ECEL1: variants seen among roughly 807,000 people sequenced by gnomAD.
The protein encoded by ECEL1 is endothelin-converting enzyme-like 1.
In ECEL1, 87 loss-of-function variants were observed where a neutral mutation model predicts 101.8. The ratio of observed to expected loss-of-function variants is 0.85; its 90% CI spans 0.72 to 1.02. The LOEUF (loss-of-function observed/expected upper bound fraction) is 1.02. Among genes scored for constraint, ECEL1 ranks in the 50% least tolerant of loss-of-function variants. The probability of loss-of-function intolerance (pLI) is 0.00; values close to 1 mark genes in which losing one functional copy is unlikely to be tolerated. For missense variants in ECEL1, 1,032 were observed against 1,079.2 expected (o/e 0.96, Z 0.61); for synonymous variants, 487 against 468.7 (o/e 1.04, Z -0.50).
chr2:232,486,746 G>A lies in ECEL1; in HGVS notation c.-93C>T. 1.6e-6 allele frequency: 2 copies of A among 1,287,014 alleles called. No homozygotes were observed. The allele number at this position is 1,287,014 out of a possible 1,614,324, so 79.7% of individuals were successfully genotyped here. A position where few individuals can be genotyped will look rare whatever the true frequency, so the allele number is the denominator to read the frequency against. On this transcript the variant is annotated 5_prime_UTR_variant, in exon 2 of 18. Transcript: ENST00000304546. ...CCTCGTGGGCCTCCGCATGGCCCTG[G>A]GGCCGCAGCTGCGGGAAGGGCGGAA...
Position 232,485,272 on chromosome 2 carries a change from G to T in ECEL1, c.787-5C>A, listed in dbSNP as rs1316361570. ...GGTGAGCCCATCCTGGTCAATCTGGGGAGGGAGACAGGGGCCACAGGTCAG... is the reference window on the plus strand; with the variant it reads ...GGTGAGCCCATCCTGGTCAATCTGGTGAGGGAGACAGGGGCCACAGGTCAG... On this transcript the variant is annotated splice_region_variant and splice_polypyrimidine_tract_variant and intron_variant, in intron 2 of 17. Transcript: ENST00000304546. 6.2e-7 allele frequency: 1 copy of T among 1,613,106 alleles called. No individual in the cohort carries two copies. Among genetic ancestry groups the T allele is most frequent in the African/African-American group, 1.3e-5 (1 of 75,022 alleles).
rs997316542 is a variant in ECEL1 at position 232,480,731 on chromosome 2, A to C, written c.2138T>G (p.Ile713Ser). ...LKYTHDQLFF[I>S]AFAQNWCIKR... ...CACCCAGCCCACCTGGGCAAAGGCA[A>C]TGAAGAAGAGCTGGTCATGTGTGTA... is the stretch of plus-strand genomic sequence containing the variant. Residue 713 changes from isoleucine (I) to serine (S), a missense_variant, in exon 16 of 18, where the codon ATT (isoleucine) becomes AGT (serine). Coordinates refer to ENST00000304546, the MANE Select transcript of ECEL1 (RefSeq NM_004826.4). The C allele has an allele frequency of 6.2e-7, 1 of 1,614,086 alleles. No individual in the cohort carries two copies. Among genetic ancestry groups the C allele is most frequent in the East Asian group, 2.2e-5 (1 of 44,876 alleles).
chr2:232,480,240 A>G lies in ECEL1; in HGVS notation c.2241T>C (p.Ser747=), dbSNP rs201486617. 17 of 1,613,992 alleles carry G rather than the reference A, an allele frequency of 1.1e-5. No individual in the cohort carries two copies. In the African/African-American group the frequency reaches 1.9e-4, roughly 18 times the overall value. ...HAPEHYRVLG[S]VSQFEEFGRA... ...GGCCAAACTCCTCAAACTGGGACAC[A>G]CTGCCCAGCACCCTGGGGTGGGGAG... Residue 747 remains serine (S), a synonymous_variant, in exon 18 of 18, where the codon AGT becomes AGC. Coordinates refer to ENST00000304546, the MANE Select transcript of ECEL1 (RefSeq NM_004826.4).
At position 232,485,957 on chromosome 2, in the gene ECEL1, A is replaced by G. The variant is rs1393591059; in HGVS notation, c.697T>C (p.Tyr233His). 2 of 1,593,182 alleles carry G rather than the reference A, an allele frequency of 1.3e-6. No individual in the cohort carries two copies. Among genetic ancestry groups the G allele is most frequent in the South Asian group, 1.1e-5 (1 of 88,406 alleles). Residue 233 changes from tyrosine to histidine, a missense_variant, in exon 2 of 18, where the codon TAC (tyrosine) becomes CAC (histidine). Physicochemically the swap from Tyr to His is moderately conservative, Grantham distance 83. Coordinates refer to ENST00000304546, the MANE Select transcript of ECEL1 (RefSeq NM_004826.4). ...GCGCTGTACACGCCCTGCGCCTTGTACAGCAGCCGGTTGAGGTCCCATCGC... is the reference window on the plus strand; with the variant it reads ...GCGCTGTACACGCCCTGCGCCTTGTGCAGCAGCCGGTTGAGGTCCCATCGC... ...AARWDLNRLL[Y>H]KAQGVYSAAA...
intron 9 of ECEL1, 50 bp downstream of exon 9, chr2:232,483,055 C>G: frequency 6.2e-7 from 1 of 1,612,194 alleles, no homozygotes; most frequent in Non-Finnish European, 8.5e-7. Flanking sequence ...TCCTGAGTGC[C>G]GTTAGTAGAG....
Position 232,480,055 on chromosome 2 carries a change from C to T in ECEL1, c.*98G>A. ...TGGAGGGGCTGGAAGGCAGGTGGTGCCCAGAGCGGGGCTGGCACCGGGTGC... is the reference window on the plus strand; with the variant it reads ...TGGAGGGGCTGGAAGGCAGGTGGTGTCCAGAGCGGGGCTGGCACCGGGTGC... On this transcript the variant is annotated 3_prime_UTR_variant, in exon 18 of 18. Transcript: ENST00000304546. 2 of 1,226,716 alleles carry T rather than the reference C, an allele frequency of 1.6e-6. No homozygotes were observed. Among genetic ancestry groups the T allele is most frequent in the Non-Finnish European group, 2.3e-6 (2 of 857,626 alleles). 76.0% of individuals were successfully genotyped at this position (1,226,716 alleles called of 1,614,324 possible).
chr2:232,479,936 G>T lies in ECEL1; in HGVS notation c.*217C>A, dbSNP rs1690531908. ...TGGCCCCCTTAGAGCAGAATCTGGG[G>T]ACCCCAGTATATTTCCCTCACAGCC... On this transcript the variant is annotated 3_prime_UTR_variant, in exon 18 of 18. Transcript: ENST00000304546. 1 of 589,586 alleles carries T rather than the reference G, an allele frequency of 1.7e-6. No individual in the cohort carries two copies. Among genetic ancestry groups the T allele is most frequent in the Non-Finnish European group, 3.0e-6 (1 of 330,400 alleles). The allele number at this position is 589,586 out of a possible 1,614,324, so 36.5% of individuals were successfully genotyped here.
At chr2:232,481,438 T>C (rs1201514881) in intron 14 of ECEL1, 68 bp downstream of exon 14, 25 of 1,549,268 alleles carry the variant, frequency 1.6e-5, no homozygotes, top group Non-Finnish European at 2.2e-5. Flanking sequence ...TGCGCAAGGG[T>C]GTGCGTGATG....
chr2:232,485,163 A>T, intron 3 of ECEL1, 36 bp downstream of exon 3: 1 of 1,612,804 alleles, frequency 6.2e-7, no homozygotes, highest in Non-Finnish European at 8.5e-7. Flanking sequence ...CTGGGGCCCC[A>T]GGCCTTCCCT....
At chr2:232,487,142 G>A (rs1690750161) in intron 1 of ECEL1, among the ~76,000 whole-genome samples, 2 of 152,210 alleles carry the variant, frequency 1.3e-5, no homozygotes, top group African/African-American at 4.8e-5. Context: ...GTGAGGAGGT[G>A]CGGTCAGGGG....
chr2:232,484,983 T>A lies in ECEL1; in HGVS notation c.964A>T (p.Asn322Tyr), dbSNP rs1489097957. The A allele has an allele frequency of 1.9e-6, 3 of 1,613,162 alleles. No individual in the cohort carries two copies. In the South Asian group the frequency reaches 3.3e-5, roughly 18 times the overall value. The change falls in exon 4 of 18, where the codon AAC becomes TAC. Residue 322 changes from asparagine (N) to tyrosine (Y), a missense_variant and splice_region_variant. By Grantham distance (143) the Asn-to-Tyr change is moderately radical. Coordinates refer to ENST00000304546, the MANE Select transcript of ECEL1 (RefSeq NM_004826.4). ...GCCTCCAGTCCTGGTCTGCTCACGT[T>A]GGCCAGCTGCTGCTCCACTTGCAGG... is the stretch of plus-strand genomic sequence containing the variant. Reference protein sequence around the residue: ...EILQVEQQLANITVSEHDDLR... With the variant: ...EILQVEQQLAYITVSEHDDLR...
At chr2:232,482,745 G>A (rs964701323) in intron 10 of ECEL1, 106 bp downstream of exon 10, 30 of 1,508,480 alleles carry the variant, frequency 2.0e-5, no homozygotes, top group African/African-American at 9.6e-5. Flanking sequence ...CTGTGCTGGC[G>A]TGTGTGCCCC....
chr2:232,481,635 G>T lies in ECEL1; in HGVS notation c.1865-5C>A, dbSNP rs749748838. 8.7e-6 allele frequency: 14 copies of T among 1,613,308 alleles called. No individual in the cohort carries two copies. In the Admixed American group the frequency reaches 2.0e-4, roughly 23 times the overall value. ...CTGAGCGGTCATACTGGCCCCCTGT[G>T]GGCAGTGCAGCAGGCTGAGACCCAC... On this transcript the variant is annotated splice_region_variant and splice_polypyrimidine_tract_variant and intron_variant, in intron 13 of 17. Transcript: ENST00000304546.
Position 232,483,173 on chromosome 2 carries a change from A to C in ECEL1, c.1513T>G (p.Tyr505Asp), listed in dbSNP as rs1272527037. The change falls in exon 9 of 18, where the codon TAC becomes GAC. Residue 505 changes from tyrosine to aspartate, a missense_variant. Tyr to Asp is a radical substitution (Grantham distance 160, BLOSUM62 -3). Coordinates refer to ENST00000304546, the MANE Select transcript of ECEL1 (RefSeq NM_004826.4). ...GGGTAGCCGACCATCACCATCATGT[A>C]CTGGAGCTGCGGGCCGAGGGCAGGT... The part of the protein sequence containing the change: ...TRAAARAKLQ[Y>D]MMVMVGYPDF... The C allele has an allele frequency of 6.2e-7, 1 of 1,603,968 alleles. No homozygotes were observed. The highest frequency in any genetic ancestry group is 8.5e-7 in the Non-Finnish European group (1 of 1,176,094).
In ECEL1 at chr2:232,483,403, G is replaced by C; in HGVS notation, c.1506+13C>G. On this transcript the variant is annotated intron_variant, in intron 8 of 17. Coordinates refer to ENST00000304546, the MANE Select transcript of ECEL1 (RefSeq NM_004826.4). ...TATATGGGACCAACCAATGACACTG[G>C]GTCCCCCCTCACCTTGGCCCGAGCA... The C allele has an allele frequency of 6.3e-7, 1 of 1,596,296 alleles. No individual in the cohort carries two copies. Among genetic ancestry groups the C allele is most frequent in the Non-Finnish European group, 8.5e-7 (1 of 1,172,882 alleles).
Position 232,484,181 on chromosome 2 carries a change from C to A in ECEL1, c.1227G>T (p.Leu409=). The change falls in exon 7 of 18, where the codon CTG becomes CTT. Residue 409 remains leucine (L), a synonymous_variant. Coordinates refer to ENST00000304546, the MANE Select transcript of ECEL1 (RefSeq NM_004826.4). ...NYLVWRVVVV[L]SEHLSPPFRE... ...GGAATGGCGGGGACAGGTGTTCACT[C>A]AGGACCACCACCACGCGCCACACCA... The A allele has an allele frequency of 6.2e-7, 1 of 1,613,290 alleles. No homozygotes were observed. The highest frequency in any genetic ancestry group is 8.5e-7 in the Non-Finnish European group (1 of 1,179,934).
Position 232,480,101 on chromosome 2 carries a change from C to G in ECEL1, c.*52G>C. Reference sequence around the variant, plus strand: ...GGTGCATGCCTGCCCCGGTAGCCAGCAGGAGGTGATTCGTGCGGGGGCAGT... The same window carrying G: ...GGTGCATGCCTGCCCCGGTAGCCAGGAGGAGGTGATTCGTGCGGGGGCAGT... On this transcript the variant is annotated 3_prime_UTR_variant, in exon 18 of 18. Transcript: ENST00000304546. 1 of 1,581,692 alleles carries G rather than the reference C, an allele frequency of 6.3e-7. No individual in the cohort carries two copies. Among genetic ancestry groups the G allele is most frequent in the Non-Finnish European group, 8.7e-7 (1 of 1,154,238 alleles).
chr2:232,484,474 G>A lies in ECEL1; in HGVS notation c.1182C>T (p.His394=), dbSNP rs144961361. 162 of 1,613,570 alleles carry A rather than the reference G, an allele frequency of 1.0e-4. No individual in the cohort carries two copies. The highest frequency in any genetic ancestry group is 1.3e-4 in the Non-Finnish European group (152 of 1,179,850). The change falls in exon 6 of 18, where the codon CAC becomes CAT. Residue 394 remains histidine, a splice_region_variant and synonymous_variant. Transcript: ENST00000304546. Reference sequence around the variant, plus strand: ...AAATGCCAGATCTGCAGCCATACCGGTGGGGTGTGGAGCGGATGAGCTGCG... The same window carrying A: ...AAATGCCAGATCTGCAGCCATACCGATGGGGTGTGGAGCGGATGAGCTGCG... ...QVSQLIRSTP[H]RVLHNYLVWR... is the part of the protein sequence containing the mutation.
At position 232,483,452 on chromosome 2, in the gene ECEL1, C is replaced by T. The variant is rs149459910; in HGVS notation, c.1470G>A (p.Trp490Ter). 36 of 1,612,554 alleles carry T rather than the reference C, an allele frequency of 2.2e-5. No individual in the cohort carries two copies. In the African/African-American group the frequency reaches 4.3e-4, roughly 19 times the overall value. The change falls in exon 8 of 18, where the codon TGG becomes TGA. Residue 490 changes from tryptophan to a stop codon, truncating the protein, a stop_gained. Transcript: ENST00000304546. LOFTEE classifies it high-confidence loss of function. Reference sequence around the variant, plus strand: ...CAGCAGCCCTGGTCTCGGCGTCCATCCAGTCCAGCTCCTCCAGGCGCTGGC... The same window carrying T: ...CAGCAGCCCTGGTCTCGGCGTCCATTCAGTCCAGCTCCTCCAGGCGCTGGC... ...ILGQRLEELD[W>*]MDAETRAAAR... is the part of the protein sequence containing the mutation.
Sources: gnomAD v4.1 joint callset for allele counts (sites outside exome capture counted in the v4.1 genomes callset) on GRCh38, gnomAD v4.1.1 for gene constraint, MANE v1.5 for transcripts, NCBI Gene and HGNC (gene_info 2026-07-23, HGNC 2026-07-21) for gene names.